STX2: variants seen among roughly 807,000 people sequenced by gnomAD.
STX2 encodes the protein syntaxin 2.
Under a neutral mutation model 40.6 loss-of-function variants are expected in STX2, and 27 were observed. The observed-to-expected ratio is 0.66, with a 90% CI of 0.49 to 0.92. The LOEUF (loss-of-function observed/expected upper bound fraction) is 0.92. STX2 is among the 40% of genes least tolerant of loss of function. The pLI is 0.00. For missense variants in STX2, 328 were observed against 366.1 expected, an observed-to-expected ratio of 0.90 and a Z score of 0.85; for synonymous variants, 123 against 119.1, an observed-to-expected ratio of 1.03 and a Z score of -0.22.
chr12:130,834,963 A>T (rs1482674568), intron 1 of STX2, among the ~76,000 whole-genome samples: 1 of 152,228 alleles, frequency 6.6e-6, no homozygotes, highest in Non-Finnish European at 1.5e-5. Context: ...ACTTTTAAAA[A>T]TATCTGAGCA....
intron 3 of STX2, among the ~76,000 whole-genome samples, chr12:130,818,182 AAAAATAT>A (rs1474694010): frequency 8.0e-5 from 3 of 37,382 alleles, no homozygotes; most frequent in African/African-American, 2.3e-4. Flanking sequence ...AAAAAAAAAA[AAAAATAT>A]ATATATATAT....
In STX2 at chr12:130,828,391, C is replaced by CTTT. The variant is rs35993256; in HGVS notation, c.31-1127_31-1125dup. ...TACATGCACCTGCCACCACACCCGG[C>CTTT]TTTTTTTTTTTTTTTTTTTTGTATT... On this transcript the variant is annotated intron_variant, in intron 1 of 10. Coordinates refer to ENST00000392373, the MANE Select transcript of STX2 (RefSeq NM_194356.4). Among the ~76,000 whole-genome samples, 105 of 106,526 alleles carry CTTT rather than the reference C, an allele frequency of 9.9e-4. 1 individual carries two copies. The highest frequency in any genetic ancestry group is 3.3e-3 in the East Asian group (11 of 3,330). 69.9% of individuals were successfully genotyped at this position (106,526 alleles called of 152,430 possible). A position where few individuals can be genotyped will look rare whatever the true frequency, so the allele number is the denominator to read the frequency against.
intron 4 of STX2, among the ~76,000 whole-genome samples, chr12:130,811,357 CAA>C (rs35156542): frequency 3.0e-5 from 3 of 98,448 alleles, no homozygotes; most frequent in Admixed American, 1.2e-4. Flanking sequence ...GACTCTGTCT[CAA>C]AAAAAAAAAA....
chr12:130,801,584 TTAGCATTTTTCAG>T, intron 6 of STX2, 96 bp from the exon 7 acceptor site: 1 of 1,289,336 alleles, frequency 7.8e-7, no homozygotes, highest in East Asian at 2.5e-5. Context: ...ATCATAGTTG[TTAGCATTTTTCAG>T]TAATTTTTTT....
chr12:130,821,850 C>G (rs531223123), intron 2 of STX2, 62 bp from the exon 3 acceptor site: 209 of 1,009,020 alleles, frequency 2.1e-4, no homozygotes, highest in Non-Finnish European at 3.0e-4. Flanking sequence ...CTTTTCATCC[C>G]CTAAAAGGGG....
chr12:130,791,955 C>G lies in STX2; in HGVS notation c.*68G>C. 1 of 1,607,750 alleles carries G rather than the reference C, an allele frequency of 6.2e-7. No homozygotes were observed. The highest frequency in any genetic ancestry group is 8.5e-7 in the Non-Finnish European group (1 of 1,176,264). On this transcript the variant is annotated 3_prime_UTR_variant, in exon 11 of 11. Transcript: ENST00000392373. ...AAGGATCACAAGCAAAACAATTACA[C>G]AAATAATAATGAACATCAATTTCTG...
intron 6 of STX2, among the ~76,000 whole-genome samples, 196 bp downstream of exon 6, chr12:130,806,786 A>G (rs1458748931): frequency 6.6e-6 from 1 of 152,180 alleles, no homozygotes; most frequent in African/African-American, 2.4e-5. Flanking sequence ...GGTAAACCCC[A>G]CCGCTTAGGA....
At chr12:130,797,666 T>C (rs1038919847) in intron 9 of STX2, among the ~76,000 whole-genome samples, 9 of 152,194 alleles carry the variant, frequency 5.9e-5, no homozygotes, top group African/African-American at 2.2e-4. Flanking sequence ...GAAAAACCCA[T>C]AATCTCTCCA....
chr12:130,818,185 A>ATATATATATATATATATATATATAT (rs1555222352), intron 3 of STX2, among the ~76,000 whole-genome samples: 1 of 70,542 alleles, frequency 1.4e-5, no homozygotes. Context: ...AAAAAAAAAA[A>ATATATATATATATATATATATATAT]ATATATATAT....
chr12:130,830,220 T>C (rs889027559), intron 1 of STX2, among the ~76,000 whole-genome samples: 1 of 152,176 alleles, frequency 6.6e-6, no homozygotes, highest in African/African-American at 2.4e-5. Context: ...CTGTGGAGGC[T>C]GCACCTGCAG....
At chr12:130,799,878 T>C (rs6650190) in intron 8 of STX2, among the ~76,000 whole-genome samples, 148,913 of 151,876 alleles carry the variant, frequency 0.98, 73,067 homozygotes, top group East Asian at 1. Context: ...TATAAAGTTC[T>C]TCAAAATACA....
chr12:130,804,953 G>A (rs1343970576), intron 6 of STX2, among the ~76,000 whole-genome samples: 5 of 152,148 alleles, frequency 3.3e-5, no homozygotes, highest in African/African-American at 4.8e-5. Flanking sequence ...TCACGCCACC[G>A]GATTCACATG....
intron 3 of STX2, among the ~76,000 whole-genome samples, chr12:130,820,191 T>A (rs1952058802): frequency 6.6e-6 from 1 of 152,046 alleles, no homozygotes; most frequent in African/African-American, 2.4e-5. Flanking sequence ...CTAACAAGCA[T>A]AAGAGCTGCA....
chr12:130,817,588 G>C (rs1951909134), intron 3 of STX2, among the ~76,000 whole-genome samples: 1 of 152,020 alleles, frequency 6.6e-6, no homozygotes, highest in African/African-American at 2.4e-5. Context: ...GAAAACGTCA[G>C]TCCAAAGACT....
chr12:130,837,294 T>C (rs1952782704), intron 1 of STX2, among the ~76,000 whole-genome samples: 1 of 151,920 alleles, frequency 6.6e-6, no homozygotes, highest in Non-Finnish European at 1.5e-5. Flanking sequence ...GTGCGTGCTT[T>C]GTTTTGTTGG....
At chr12:130,835,762 A>T (rs1034081375) in intron 1 of STX2, among the ~76,000 whole-genome samples, 2 of 152,134 alleles carry the variant, frequency 1.3e-5, no homozygotes, top group Admixed American at 1.3e-4. Flanking sequence ...GTAAATCAGA[A>T]ATATCTTTCT....
intron 3 of STX2, among the ~76,000 whole-genome samples, chr12:130,819,602 C>T (rs1952035192): frequency 6.6e-6 from 1 of 152,076 alleles, no homozygotes; most frequent in African/African-American, 2.4e-5. Flanking sequence ...TATGACTTGG[C>T]AGCAAAAATG....
chr12:130,791,763 G>A lies in STX2; in HGVS notation c.*260C>T, dbSNP rs537576191. ...CAAGACGTTCGGTTGTGCTTCTTCC[G>A]TGAACTCATACATTACAAGGTCAGC... On this transcript the variant is annotated 3_prime_UTR_variant, in exon 11 of 11. Coordinates refer to ENST00000392373, the MANE Select transcript of STX2 (RefSeq NM_194356.4). The A allele has an allele frequency of 1.4e-3, 1,071 of 747,866 alleles. 10 individuals carry two copies. The South Asian group carries it at 0.017, about 12-fold the overall frequency. 46.3% of individuals were successfully genotyped at this position (747,866 alleles called of 1,614,324 possible). A position where few individuals can be genotyped will look rare whatever the true frequency, so the allele number is the denominator to read the frequency against.
chr12:130,830,427 C>T lies in STX2; in HGVS notation c.31-3160G>A, dbSNP rs541877645. 9.2e-5 allele frequency among the ~76,000 whole-genome samples: 14 copies of T among 152,254 alleles called. No homozygotes were observed. The East Asian group carries it at 1.9e-3, about 21-fold the overall frequency. On this transcript the variant is annotated intron_variant, in intron 1 of 10. Transcript: ENST00000392373. ...CTGCGCGATGCACCCCCCACAGTGG[C>T]GTGGCGTCAATCCTCCTCCACTCTG...
Sources: allele counts gnomAD v4.1 joint callset (sites outside exome capture counted in the v4.1 genomes callset), GRCh38; gene constraint gnomAD v4.1.1; transcripts MANE v1.5; gene names NCBI Gene and HGNC (gene_info 2026-07-23, HGNC 2026-07-21).